PELI2: variants seen among roughly 807,000 people sequenced by gnomAD.
PELI2 encodes the protein pellino E3 ubiquitin protein ligase family member 2.
In PELI2, 23 loss-of-function variants were observed where a neutral mutation model predicts 42.3. The ratio of observed to expected loss-of-function variants is 0.54; its 90% CI spans 0.39 to 0.77. The LOEUF is 0.77. PELI2 is among the 30% of genes least tolerant of loss of function. The pLI is 0.00. For missense variants in PELI2, 463 were observed against 553.2 expected, an observed-to-expected ratio of 0.84 and a Z score of 1.64; for synonymous variants, 245 against 212.2, an observed-to-expected ratio of 1.15 and a Z score of -1.34.
At chr14:56,172,607 A>T (rs1885221260) in intron 1 of PELI2, among the ~76,000 whole-genome samples, 1 of 152,100 alleles carries the variant, frequency 6.6e-6, no homozygotes, top group Admixed American at 6.5e-5. Flanking sequence ...GTACTTTTGG[A>T]TCTGGGGGCA....
Position 56,218,637 on chromosome 14 carries a change from A to G in PELI2, c.207+40173A>G, listed in dbSNP as rs143827551. On this transcript the variant is annotated intron_variant, in intron 2 of 5. Coordinates refer to ENST00000267460, the MANE Select transcript of PELI2 (RefSeq NM_021255.3). ...GGAAATGGAAATGTTATTCTTCTTT[A>G]TTGTTGCGGGTAATGCCTTAAGAAA... 1.4e-4 allele frequency among the ~76,000 whole-genome samples: 21 copies of G among 152,078 alleles called. No individual in the cohort carries two copies. The East Asian group carries it at 4.1e-3, about 29-fold the overall frequency.
intron 1 of PELI2, among the ~76,000 whole-genome samples, chr14:56,129,306 C>T (rs990213350): frequency 1.3e-5 from 2 of 152,246 alleles, no homozygotes; most frequent in Admixed American, 6.5e-5. Context: ...TCTCTCTTCC[C>T]CTGCCAAAGA....
chr14:56,222,773 G>A (rs966389058), intron 2 of PELI2, among the ~76,000 whole-genome samples: 7 of 152,224 alleles, frequency 4.6e-5, no homozygotes, highest in Non-Finnish European at 1.0e-4. Context: ...GCTAGGCTGT[G>A]TGGCGCAGGG....
At chr14:56,282,326 G>T (rs534674623) in intron 3 of PELI2, among the ~76,000 whole-genome samples, 3 of 151,884 alleles carry the variant, frequency 2.0e-5, no homozygotes, top group Admixed American at 6.6e-5. Context: ...AGTCATATTG[G>T]TAATATATAT....
intron 2 of PELI2, among the ~76,000 whole-genome samples, chr14:56,255,128 A>C (rs1330118216): frequency 6.6e-6 from 1 of 152,206 alleles, no homozygotes; most frequent in African/African-American, 2.4e-5. Flanking sequence ...CAGCAATCCC[A>C]TTATTGGTTA....
At chr14:56,269,408 A>C (rs139613181) in intron 2 of PELI2, among the ~76,000 whole-genome samples, 1,577 of 152,112 alleles carry the variant, frequency 0.01, 9 homozygotes, top group Non-Finnish European at 0.015. Flanking sequence ...GTGCCACTGT[A>C]CTCCAGCCAA....
chr14:56,298,077 C>T lies in PELI2; in HGVS notation c.*911C>T, dbSNP rs55731113. ...AAAAATAAGCTTTTACTTTTTAAAA[C>T]CACTTGAGGTTTCATAAAGCTTGGG... is the stretch of plus-strand genomic sequence containing the variant. On this transcript the variant is annotated 3_prime_UTR_variant, in exon 6 of 6. Transcript: ENST00000267460. 1,440 of 151,628 alleles carry T rather than the reference C, an allele frequency of 9.5e-3. 13 individuals are homozygous for T. The highest frequency in any genetic ancestry group is 0.016 in the Non-Finnish European group (1,095 of 67,834). The allele number at this position is 151,628 out of a possible 1,614,324, so 9.4% of individuals were successfully genotyped here. A position where few individuals can be genotyped will look rare whatever the true frequency, so the allele number is the denominator to read the frequency against.
chr14:56,255,922 C>T (rs1888512200), intron 2 of PELI2, among the ~76,000 whole-genome samples: 1 of 152,184 alleles, frequency 6.6e-6, no homozygotes, highest in South Asian at 2.1e-4. Flanking sequence ...TGCTGGCATT[C>T]ACTCGTGCAA....
intron 2 of PELI2, among the ~76,000 whole-genome samples, chr14:56,184,507 G>GA (rs1374206777): frequency 2.0e-5 from 3 of 151,996 alleles, no homozygotes; most frequent in Non-Finnish European, 2.9e-5. Flanking sequence ...TTGATTCTGA[G>GA]AACTTGGCTA....
At chr14:56,126,228 G>A (rs913631455) in intron 1 of PELI2, among the ~76,000 whole-genome samples, 2 of 152,174 alleles carry the variant, frequency 1.3e-5, no homozygotes, top group Non-Finnish European at 2.9e-5. Flanking sequence ...CCACAGTGGC[G>A]TTGAAAGGCT....
At chr14:56,256,318 C>A (rs1255772300) in intron 2 of PELI2, among the ~76,000 whole-genome samples, 1 of 151,962 alleles carries the variant, frequency 6.6e-6, no homozygotes, top group African/African-American at 2.4e-5. Context: ...CACTTGTAGT[C>A]CCAGCTACTC....
chr14:56,275,980 G>T (rs1474650656), intron 2 of PELI2, among the ~76,000 whole-genome samples: 1 of 152,084 alleles, frequency 6.6e-6, no homozygotes, highest in African/African-American at 2.4e-5. Flanking sequence ...AAACAACTTA[G>T]GGCCTTGGAG....
chr14:56,159,146 A>G (rs1484067834), intron 1 of PELI2, among the ~76,000 whole-genome samples: 2 of 152,250 alleles, frequency 1.3e-5, no homozygotes, highest in East Asian at 1.9e-4. Context: ...TTATTGCCAT[A>G]TGATGCTGTG....
At chr14:56,203,861 T>A (rs920597029) in intron 2 of PELI2, among the ~76,000 whole-genome samples, 3 of 152,170 alleles carry the variant, frequency 2.0e-5, no homozygotes, top group Non-Finnish European at 4.4e-5. Context: ...CGGTGACTTT[T>A]CAGCTGAGTC....
chr14:56,234,732 C>G (rs1021677855), intron 2 of PELI2, among the ~76,000 whole-genome samples: 2 of 147,008 alleles, frequency 1.4e-5, no homozygotes, highest in Non-Finnish European at 3.0e-5. Flanking sequence ...CACATGTACC[C>G]TAGAACTTAA....
chr14:56,188,225 T>C (rs767036194), intron 2 of PELI2, among the ~76,000 whole-genome samples: 1 of 152,222 alleles, frequency 6.6e-6, no homozygotes, highest in Non-Finnish European at 1.5e-5. Flanking sequence ...TTCATTTCTG[T>C]ACTCCCATTG....
chr14:56,291,389 T>C (rs959345970), intron 5 of PELI2, among the ~76,000 whole-genome samples: 2 of 152,238 alleles, frequency 1.3e-5, no homozygotes, highest in African/African-American at 2.4e-5. Flanking sequence ...CATTTGCTGT[T>C]CTCTACTGGA....
chr14:56,285,764 G>A (rs1889625062), intron 3 of PELI2, among the ~76,000 whole-genome samples: 1 of 152,120 alleles, frequency 6.6e-6, no homozygotes, highest in South Asian at 2.1e-4. Context: ...TGAGGAAGTG[G>A]AGGAGATAAC....
At position 56,276,266 on chromosome 14, in the gene PELI2, A is replaced by G. The variant is rs557005657; in HGVS notation, c.208-3410A>G. 1.6e-3 allele frequency among the ~76,000 whole-genome samples: 244 copies of G among 152,308 alleles called. 3 individuals carry two copies. The highest frequency in any genetic ancestry group is 2.8e-4 in the Non-Finnish European group (19 of 68,030). On this transcript the variant is annotated intron_variant, in intron 2 of 5. Coordinates refer to ENST00000267460, the MANE Select transcript of PELI2 (RefSeq NM_021255.3). ...CTCTATTTTAGACTTTAATACATGG[A>G]AACAAGGTCATGTGAGCCCTAATTC...
Sources: allele counts gnomAD v4.1 joint callset (sites outside exome capture counted in the v4.1 genomes callset), GRCh38; gene constraint gnomAD v4.1.1; transcripts MANE v1.5; gene names NCBI Gene and HGNC (gene_info 2026-07-23, HGNC 2026-07-21).